Variants in WFDC10B observed in about 807,000 individuals in gnomAD.
WFDC10B encodes WAP four-disulfide core domain 10B, also known as protein WFDC10B.
A neutral mutation model predicts 2.7 loss-of-function variants in WFDC10B; 1 was observed. The ratio of observed to expected loss-of-function variants is 0.38; its 90% confidence interval spans 0.13 to 1.79. The LOEUF is 1.79. Ranked by LOEUF, WFDC10B falls within the 40% of genes most tolerant of loss-of-function variation. The pLI is 0.33. For missense variants in WFDC10B, 71 were observed against 87.8 expected, an observed-to-expected ratio of 0.81 and a Z score of 0.76; for synonymous variants, 26 against 32.2, an observed-to-expected ratio of 0.81 and a Z score of 0.65.
At chr20:45,704,339 C>T in intron 2 of WFDC10B, 158 bp downstream of exon 2, 1 of 1,453,236 alleles carries the variant, frequency 6.9e-7, no homozygotes, top group Non-Finnish European at 9.3e-7. Flanking sequence ...CCATGCAAGG[C>T]AGATGAGGGT....
chr20:45,693,617 T>C (rs965766749), intron 2 of WFDC10B, among the ~76,000 whole-genome samples: 4 of 152,276 alleles, frequency 2.6e-5, no homozygotes, highest in Non-Finnish European at 4.4e-5. Flanking sequence ...TCGGTGGGCA[T>C]AGGACCCTCC....
chr20:45,687,264 T>A (rs1331467397), intron 2 of WFDC10B, among the ~76,000 whole-genome samples: 2 of 151,872 alleles, frequency 1.3e-5, no homozygotes, highest in Non-Finnish European at 2.9e-5. Context: ...ACATGGGGTG[T>A]TTGGTTTTCT....
At chr20:45,698,770 C>G (rs2145641313) in intron 2 of WFDC10B, among the ~76,000 whole-genome samples, 1 of 152,074 alleles carries the variant, frequency 6.6e-6, no homozygotes, top group East Asian at 1.9e-4. Flanking sequence ...AGTCCAAGAC[C>G]AGCCTCGCCA....
At position 45,704,946 on chromosome 20, in the gene WFDC10B, A is replaced by T. The variant is rs1568676144; in HGVS notation, c.-158T>A. ...CAGGTGTAACCAAAATCCCAAAGCAAAATTTGTCCTACACTTTTGCTTGCC... is the reference window on the plus strand; with the variant it reads ...CAGGTGTAACCAAAATCCCAAAGCATAATTTGTCCTACACTTTTGCTTGCC... On this transcript the variant is annotated 5_prime_UTR_variant, in exon 1 of 4. The change creates a new upstream start codon in the 5' untranslated region. Coordinates refer to ENST00000330523, the MANE Select transcript of WFDC10B (RefSeq NM_172006.2). The T allele has an allele frequency of 1.2e-6, 2 of 1,614,028 alleles. No individual in the cohort carries two copies. Among genetic ancestry groups the T allele is most frequent in the Non-Finnish European group, 1.7e-6 (2 of 1,180,008 alleles).
chr20:45,703,484 G>T (rs1984256282), intron 2 of WFDC10B, among the ~76,000 whole-genome samples: 1 of 152,108 alleles, frequency 6.6e-6, no homozygotes, highest in South Asian at 2.1e-4. Flanking sequence ...ATTTGCAGAG[G>T]AATAGACCCA....
intron 2 of WFDC10B, among the ~76,000 whole-genome samples, chr20:45,689,057 A>G (rs1983721472): frequency 6.7e-6 from 1 of 149,680 alleles, no homozygotes; most frequent in Non-Finnish European, 1.5e-5. Flanking sequence ...CTTTCTACAT[A>G]TGGCTAGCCA....
At chr20:45,688,381 T>C (rs1176093201) in intron 2 of WFDC10B, among the ~76,000 whole-genome samples, 1 of 152,120 alleles carries the variant, frequency 6.6e-6, no homozygotes, top group Non-Finnish European at 1.5e-5. Flanking sequence ...GTCCTTTGGG[T>C]GTATACCCAG....
At chr20:45,702,235 G>A (rs1244291816) in intron 2 of WFDC10B, 1 of 1,602,184 alleles carries the variant, frequency 6.2e-7, no homozygotes, top group Non-Finnish European at 8.5e-7. Context: ...CTGGGCCCAA[G>A]GAGGGAAGTA....
intron 2 of WFDC10B, 57 bp from the exon 3 acceptor site, chr20:45,686,113 C>G (rs1271608888): frequency 6.7e-7 from 1 of 1,498,136 alleles, no homozygotes; most frequent in Non-Finnish European, 8.9e-7. Flanking sequence ...GCTGCCTCCA[C>G]TGGACAAGTC....
intron 2 of WFDC10B, among the ~76,000 whole-genome samples, chr20:45,698,859 T>A (rs1410481937): frequency 6.6e-6 from 1 of 151,332 alleles, no homozygotes; most frequent in Non-Finnish European, 1.5e-5. Context: ...TCCCAGCTAC[T>A]CAGGAGGCTG....
chr20:45,698,350 T>C (rs1984040720), intron 2 of WFDC10B, among the ~76,000 whole-genome samples: 1 of 152,144 alleles, frequency 6.6e-6, no homozygotes, highest in East Asian at 1.9e-4. Flanking sequence ...AATGTAGAAG[T>C]AAATCTTCAT....
At chr20:45,703,581 T>C (rs1203038581) in intron 2 of WFDC10B, among the ~76,000 whole-genome samples, 1 of 152,110 alleles carries the variant, frequency 6.6e-6, no homozygotes, top group Non-Finnish European at 1.5e-5. Flanking sequence ...AATTAGGACC[T>C]GGAAGGGCTT....
chr20:45,697,996 G>A (rs554572476), intron 2 of WFDC10B, among the ~76,000 whole-genome samples: 11 of 152,046 alleles, frequency 7.2e-5, no homozygotes, highest in African/African-American at 2.2e-4. Flanking sequence ...CACCCGCCTC[G>A]GCCTCCCAAA....
chr20:45,686,809 T>G (rs1983636379), intron 2 of WFDC10B, among the ~76,000 whole-genome samples: 1 of 152,038 alleles, frequency 6.6e-6, no homozygotes, highest in South Asian at 2.1e-4. Flanking sequence ...TACAAGCATG[T>G]GCCATCACAC....
At chr20:45,692,855 G>A (rs1983859499) in intron 2 of WFDC10B, among the ~76,000 whole-genome samples, 2 of 152,208 alleles carry the variant, frequency 1.3e-5, no homozygotes, top group Non-Finnish European at 2.9e-5. Context: ...GTCCAGCTTT[G>A]TTCCATTGCT....
intron 2 of WFDC10B, chr20:45,702,157 G>T: frequency 6.2e-7 from 1 of 1,613,508 alleles, no homozygotes; most frequent in Non-Finnish European, 8.5e-7. Context: ...GTTCCTGGTG[G>T]TGTTCTGCCT....
chr20:45,704,095 G>A (rs1420657354), intron 2 of WFDC10B, among the ~76,000 whole-genome samples: 1 of 152,154 alleles, frequency 6.6e-6, no homozygotes, highest in Non-Finnish European at 1.5e-5. Context: ...AGTGCAGAAC[G>A]AACATACAAA....
At chr20:45,703,742 T>A (rs546980422) in intron 2 of WFDC10B, among the ~76,000 whole-genome samples, 2 of 152,252 alleles carry the variant, frequency 1.3e-5, no homozygotes, top group East Asian at 1.9e-4. Flanking sequence ...GAAGTCAACA[T>A]AATGATGCTT....
At chr20:45,687,294 G>T (rs981670888) in intron 2 of WFDC10B, among the ~76,000 whole-genome samples, 9 of 152,160 alleles carry the variant, frequency 5.9e-5, no homozygotes, top group Non-Finnish European at 1.3e-4. Flanking sequence ...TTAGTTTGCT[G>T]AGGATAACGG....
Sources: gnomAD v4.1 joint callset for allele counts (sites outside exome capture counted in the v4.1 genomes callset) on GRCh38, gnomAD v4.1.1 for gene constraint, MANE v1.5 for transcripts, NCBI Gene and HGNC (gene_info 2026-07-23, HGNC 2026-07-21) for gene names.